ADAMTSL5: variants seen among roughly 807,000 people sequenced by gnomAD.
ADAMTSL5 encodes ADAMTS-like protein 5.
A neutral mutation model predicts 51.7 loss-of-function variants in ADAMTSL5; 53 were observed. The ratio of observed to expected loss-of-function variants is 1.03; its 90% CI spans 0.82 to 1.29. The LOEUF (loss-of-function observed/expected upper bound fraction) is 1.29. ADAMTSL5 is among the 50% of genes most tolerant of loss of function. The pLI is 0.00. For synonymous variants in ADAMTSL5, 285 were observed against 278.7 expected, an observed-to-expected ratio of 1.02 and a Z score of -0.23; for missense variants, 770 against 676.2, an observed-to-expected ratio of 1.14 and a Z score of -1.54.
At position 1,506,256 on chromosome 19, in the gene ADAMTSL5, C is replaced by A. The variant is rs144648219; in HGVS notation, c.1175G>T (p.Arg392Leu). Reference protein sequence around the residue: ...HQAQETRYEVRIQLVYKNRSP... With the variant: ...HQAQETRYEVLIQLVYKNRSP... ...GCGGTTCTTGTAGACGAGCTGGATG[C>A]GCACCTCATAGCGGGTCTCCTGGGC... The change falls in exon 12 of 12, where the codon CGC becomes CTC. Residue 392 changes from arginine (R) to leucine (L), a missense_variant. Transcript: ENST00000330475. This position sits in a 1 kb window ranked among gnomAD's most constrained non-coding sequence, Gnocchi z 5.6. 1.3e-6 allele frequency: 2 copies of A among 1,576,816 alleles called. No individual in the cohort carries two copies. The highest frequency in any genetic ancestry group is 8.6e-7 in the Non-Finnish European group (1 of 1,158,528).
rs1181645055 is a variant in ADAMTSL5, at chr19:1,507,042, C to A, written c.853-114G>T. The A allele has an allele frequency of 3.8e-6, 5 of 1,328,288 alleles. No homozygotes were observed. In the Admixed American group the frequency reaches 1.3e-4, roughly 35 times the overall value. 82.3% of individuals were successfully genotyped at this position (1,328,288 alleles called of 1,614,324 possible). On this transcript the variant is annotated intron_variant, in intron 9 of 11. Coordinates refer to ENST00000330475, the MANE Select transcript of ADAMTSL5 (RefSeq NM_213604.3). ...GATCCTGTCTGCCCCCAGCCTCCCT[C>A]CTCTGATGCTCTGTCCCTAGCTGAT...
chr19:1,508,505 C>T lies in ADAMTSL5; in HGVS notation c.427G>A (p.Val143Ile), dbSNP rs756561166. ...GHAFYHSFGR[V>I]LDGTACSPGA... ...GGGCTGCAGGCGGTGCCGTCCAGGA[C>T]GCGGCCGAAGCTGTGGTAGAAGGCG... The change falls in exon 6 of 12, where the codon GTC (valine) becomes ATC (isoleucine). Residue 143 changes from valine to isoleucine, a missense_variant. Val to Ile is a conservative substitution (Grantham distance 29). Transcript: ENST00000330475. 3.2e-6 allele frequency: 5 copies of T among 1,587,126 alleles called. No individual in the cohort carries two copies. The East Asian group carries it at 6.8e-5, about 22-fold the overall frequency.
intron 9 of ADAMTSL5, 43 bp downstream of exon 9, chr19:1,507,199 C>T (rs1374022944): frequency 4.6e-6 from 7 of 1,517,700 alleles, no homozygotes; most frequent in Non-Finnish European, 5.3e-6. Context: ...TCCCCTCTGT[C>T]CCCAGCCGAC....
At chr19:1,510,616 G>A (rs1599289997) in intron 3 of ADAMTSL5, 23 bp downstream of exon 3, 1 of 1,518,886 alleles carries the variant, frequency 6.6e-7, no homozygotes, top group Admixed American at 2.1e-5. Flanking sequence ...GAGGGGCAGG[G>A]ACCCCCTCCG....
At chr19:1,509,337 T>C (rs1913131419) in intron 5 of ADAMTSL5, among the ~76,000 whole-genome samples, 1 of 151,092 alleles carries the variant, frequency 6.6e-6, no homozygotes, top group Non-Finnish European at 1.5e-5. Flanking sequence ...GTTTGTCCAG[T>C]ACTGACTGGA....
rs767665291 is a variant in ADAMTSL5 at position 1,507,362 on chromosome 19, C to T, written c.732G>A (p.Trp244Ter). ...CGTAGGTCCCTGGTGGGCTGACCAC[C>T]CAGTGCCCATTAAGCACGTAGCGCC... ...GDGRYVLNGH[W>*]VVSPPGTYEA... The change falls in exon 9 of 12, where the codon TGG (tryptophan) becomes TGA (stop). Residue 244 changes from tryptophan (W) to a stop codon, truncating the protein, a stop_gained. Coordinates refer to ENST00000330475, the MANE Select transcript of ADAMTSL5 (RefSeq NM_213604.3). LOFTEE classifies it high-confidence loss of function. 4.4e-6 allele frequency: 7 copies of T among 1,583,192 alleles called. No homozygotes were observed. In the South Asian group the frequency reaches 8.1e-5, roughly 18 times the overall value.
rs1341037234 is a variant in ADAMTSL5 at position 1,507,623 on chromosome 19, T to C, written c.622A>G (p.Asn208Asp). 2.5e-6 allele frequency: 4 copies of C among 1,613,422 alleles called. No homozygotes were observed. Among genetic ancestry groups the C allele is most frequent in the Non-Finnish European group, 3.4e-6 (4 of 1,180,006 alleles). ...GCGCCCTCGGGGATCAGGGTCACGT[T>C]CCAGTACCCAGCGAAGGCACCTGGG... ...RDAGAFAGYW[N>D]VTLIPEGARH... is the part of the protein sequence containing the mutation. The change falls in exon 8 of 12, where the codon AAC becomes GAC. Residue 208 changes from asparagine (N) to aspartate (D), a missense_variant. By Grantham distance (23) the Asn-to-Asp change is conservative (BLOSUM62 1). Coordinates refer to ENST00000330475, the MANE Select transcript of ADAMTSL5 (RefSeq NM_213604.3).
Position 1,505,962 on chromosome 19 carries a change from G to A in ADAMTSL5, c.*53C>T. On this transcript the variant is annotated 3_prime_UTR_variant, in exon 12 of 12. Transcript: ENST00000330475. ...GAGAGGGGAAATACGTTGACGTTGAGGCTGGTCAGATGTATCTTTCTTGCT... is the reference window on the plus strand; with the variant it reads ...GAGAGGGGAAATACGTTGACGTTGAAGCTGGTCAGATGTATCTTTCTTGCT... The A allele has an allele frequency of 2.7e-6, 4 of 1,460,856 alleles. No individual in the cohort carries two copies. Among genetic ancestry groups the A allele is most frequent in the South Asian group, 2.8e-5 (2 of 71,024 alleles). The allele number at this position is 1,460,856 out of a possible 1,614,324, so 90.5% of individuals were successfully genotyped here.
At chr19:1,509,651 A>AG (rs1192580478) in intron 5 of ADAMTSL5, among the ~76,000 whole-genome samples, 2 of 96,804 alleles carry the variant, frequency 2.1e-5, no homozygotes, top group African/African-American at 6.8e-5. Flanking sequence ...GGAGGGAGGA[A>AG]GGAAGGGAAG....
intron 5 of ADAMTSL5, among the ~76,000 whole-genome samples, chr19:1,509,695 A>AAG (rs1913158291): frequency 1.3e-5 from 2 of 152,034 alleles, no homozygotes; most frequent in Non-Finnish European, 2.9e-5. Context: ...AAGAAAGGGA[A>AAG]GGAAGGAAGG....
Position 1,506,246 on chromosome 19 carries a change from G to A in ADAMTSL5, c.1185C>T (p.Leu395=), listed in dbSNP as rs111513482. 429 of 1,583,824 alleles carry A rather than the reference G, an allele frequency of 2.7e-4. 3 individuals carry two copies. The African/African-American group carries it at 4.7e-3, about 18-fold the overall frequency. Residue 395 remains leucine (L), a synonymous_variant, in exon 12 of 12, where the codon CTC becomes CTT. Coordinates refer to ENST00000330475, the MANE Select transcript of ADAMTSL5 (RefSeq NM_213604.3). This position sits in a 1 kb window ranked among gnomAD's most constrained non-coding sequence, Gnocchi z 5.6. ...QETRYEVRIQ[L]VYKNRSPLRA... Reference sequence around the variant, plus strand: ...GCAGTGGCGAGCGGTTCTTGTAGACGAGCTGGATGCGCACCTCATAGCGGG... The same window carrying A: ...GCAGTGGCGAGCGGTTCTTGTAGACAAGCTGGATGCGCACCTCATAGCGGG...
In ADAMTSL5 at chr19:1,507,203, A is replaced by G. The variant is rs781456099; in HGVS notation, c.852+39T>C. 57 of 1,496,248 alleles carry G rather than the reference A, an allele frequency of 3.8e-5. 1 individual carries two copies. Among genetic ancestry groups the G allele is most frequent in the Non-Finnish European group, 1.7e-5 (19 of 1,127,192 alleles). 92.7% of individuals were successfully genotyped at this position (1,496,248 alleles called of 1,614,324 possible). On this transcript the variant is annotated intron_variant, in intron 9 of 11. Coordinates refer to ENST00000330475, the MANE Select transcript of ADAMTSL5 (RefSeq NM_213604.3). ...TCCCCAGCCTCTCCCCTCTGTCCCCAGCCGACCCCCTCTGACCCTGTTGGA... is the reference window on the plus strand; with the variant it reads ...TCCCCAGCCTCTCCCCTCTGTCCCCGGCCGACCCCCTCTGACCCTGTTGGA...
Position 1,510,418 on chromosome 19 carries a change from C to T in ADAMTSL5, c.202G>A (p.Glu68Lys). Residue 68 changes from glutamate to lysine, a missense_variant, in exon 4 of 12, where the codon GAA becomes AAA. By Grantham distance (56) the Glu-to-Lys change is moderately conservative (BLOSUM62 1). Transcript: ENST00000330475. ...TGGGAGTCTCCCCAGCACGGTTCTT[C>T]CCCAGGAAGCCTGAAGGGAGACAGA... The part of the protein sequence containing the change: ...RSRRCLRLPG[E>K]EPCWGDSHEY... 6.2e-7 allele frequency: 1 copy of T among 1,611,254 alleles called. No homozygotes were observed. Among genetic ancestry groups the T allele is most frequent in the South Asian group, 1.1e-5 (1 of 90,830 alleles).
In ADAMTSL5 at chr19:1,506,731, C is replaced by T; in HGVS notation, c.1042+8G>A. 6.4e-7 allele frequency: 1 copy of T among 1,557,056 alleles called. No homozygotes were observed. Among genetic ancestry groups the T allele is most frequent in the Non-Finnish European group, 8.7e-7 (1 of 1,150,144 alleles). On this transcript the variant is annotated splice_region_variant and intron_variant, in intron 10 of 11. Transcript: ENST00000330475. The surrounding 1 kb of genome is among the most constrained non-coding windows in gnomAD (Gnocchi z 5.6). ...ACTCATCCCCCACCCTGGCTGTCCC[C>T]ACCTCACCTGGGGCCAGCGTTGGGG...
intron 8 of ADAMTSL5, 41 bp downstream of exon 8, chr19:1,507,516 G>A (rs763309649): frequency 1.2e-6 from 2 of 1,608,584 alleles, no homozygotes; most frequent in Non-Finnish European, 1.7e-6. Flanking sequence ...ACCGCCCCCG[G>A]GTGCCCAGCC....
rs770540824 is a variant in ADAMTSL5 at position 1,506,810 on chromosome 19, G to A, written c.971C>T (p.Pro324Leu). ...ALGWPLRQPQPRGVEPQPPAA... is the reference protein window; with the variant it reads ...ALGWPLRQPQLRGVEPQPPAA... ...GGGGGGCTGAGGCTCCACCCCCCGGGGCTGAGGCTGCCTCAGGGGCCAGCC... is the reference window on the plus strand; with the variant it reads ...GGGGGGCTGAGGCTCCACCCCCCGGAGCTGAGGCTGCCTCAGGGGCCAGCC... Residue 324 changes from proline (P) to leucine (L), a missense_variant, in exon 10 of 12, where the codon CCC (proline) becomes CTC (leucine). Physicochemically the swap from Pro to Leu is moderately conservative, Grantham distance 98 (BLOSUM62 -3). Coordinates refer to ENST00000330475, the MANE Select transcript of ADAMTSL5 (RefSeq NM_213604.3). The surrounding 1 kb of genome is among the most constrained non-coding windows in gnomAD (Gnocchi z 5.6). 1.3e-6 allele frequency: 2 copies of A among 1,541,808 alleles called. No individual in the cohort carries two copies. Among genetic ancestry groups the A allele is most frequent in the East Asian group, 4.9e-5 (2 of 41,026 alleles).
At chr19:1,511,203 A>C (rs1401939529) in intron 1 of ADAMTSL5, 43 bp from the exon 2 acceptor site, 3 of 251,462 alleles carry the variant, frequency 1.2e-5, no homozygotes, top group Non-Finnish European at 1.5e-5. Flanking sequence ...TTTGAGACGG[A>C]GTCTCGCTCT....
chr19:1,508,709 A>G (rs1356767413), intron 5 of ADAMTSL5, 139 bp from the exon 6 acceptor site: 2 of 1,278,446 alleles, frequency 1.6e-6, no homozygotes, highest in East Asian at 2.8e-5. Context: ...AGGCTGAGGC[A>G]GAGCCAGGAC....
rs1599281754 is a variant in ADAMTSL5 at position 1,506,313 on chromosome 19, A to G, written c.1118T>C (p.Phe373Ser). ...GTGGTGGCCCAGCACTCGGGCCTGG[A>G]ACACTGTTGAGGGGACGTGCTAAGC... ...LLHYCGSDFV[F>S]QARVLGHHHQ... The change falls in exon 12 of 12, where the codon TTC (phenylalanine) becomes TCC (serine). Residue 373 changes from phenylalanine (F) to serine (S), a missense_variant. Transcript: ENST00000330475. This position sits in a 1 kb window ranked among gnomAD's most constrained non-coding sequence, Gnocchi z 5.6. 1.3e-6 allele frequency: 2 copies of G among 1,546,516 alleles called. No homozygotes were observed. Among genetic ancestry groups the G allele is most frequent in the Non-Finnish European group, 8.7e-7 (1 of 1,144,214 alleles).
Sources: gnomAD v4.1 joint callset for allele counts (sites outside exome capture counted in the v4.1 genomes callset) on GRCh38, gnomAD v4.1.1 for gene constraint, Gnocchi (gnomAD v3.1) non-coding constraint, MANE v1.5 for transcripts, NCBI Gene and HGNC (gene_info 2026-07-23, HGNC 2026-07-21) for gene names.